Variants in XKR6 observed in about 807,000 individuals in gnomAD.
XKR6 encodes the protein XK related 6.
A neutral mutation model predicts 56.7 loss-of-function variants in XKR6; 22 were observed. The ratio of observed to expected loss-of-function variants is 0.39; its 90% CI spans 0.28 to 0.55. The LOEUF (loss-of-function observed/expected upper bound fraction) is 0.55, where lower values mean the gene tolerates loss of function less well. XKR6 is among the 20% of genes least tolerant of loss of function. The pLI is 0.66. For synonymous variants in XKR6, 524 were observed against 387.8 expected, an observed-to-expected ratio of 1.35 and a Z score of -4.13; for missense variants, 852 against 889.0, an observed-to-expected ratio of 0.96 and a Z score of 0.53.
chr8:11,146,924 A>G (rs1801013652), intron 1 of XKR6, among the ~76,000 whole-genome samples: 1 of 152,098 alleles, frequency 6.6e-6, no homozygotes, highest in South Asian at 2.1e-4. Flanking sequence ...TAAAATAGTC[A>G]GACTCACAGA....
At chr8:11,162,651 T>C (rs1409972511) in intron 1 of XKR6, among the ~76,000 whole-genome samples, 2 of 152,244 alleles carry the variant, frequency 1.3e-5, no homozygotes, top group African/African-American at 4.8e-5. Context: ...TTGTTTTGAT[T>C]ATTTAAAACA....
chr8:11,113,176 C>T (rs1362679702), intron 1 of XKR6, among the ~76,000 whole-genome samples: 1 of 152,116 alleles, frequency 6.6e-6, no homozygotes, highest in Non-Finnish European at 1.5e-5. Context: ...AATGCTGTTA[C>T]ATGTAGTGAA....
At chr8:11,110,813 T>C (rs1427742905) in intron 1 of XKR6, among the ~76,000 whole-genome samples, 3 of 152,072 alleles carry the variant, frequency 2.0e-5, no homozygotes, top group Non-Finnish European at 2.9e-5. Flanking sequence ...AAATAGCATG[T>C]TCAGGTACAT....
At chr8:11,013,520 G>T (rs898805460) in intron 1 of XKR6, among the ~76,000 whole-genome samples, 2 of 152,174 alleles carry the variant, frequency 1.3e-5, no homozygotes, top group African/African-American at 4.8e-5. Flanking sequence ...GATGGCAAAG[G>T]ACTTAACTGT....
intron 1 of XKR6, among the ~76,000 whole-genome samples, chr8:10,932,586 C>G: frequency 8.5e-6 from 1 of 118,314 alleles, no homozygotes; most frequent in Admixed American, 8.8e-5. Context: ...TCCCCCCACC[C>G]CACCACAGTC....
At chr8:11,117,142 T>C (rs546466212) in intron 1 of XKR6, among the ~76,000 whole-genome samples, 4 of 152,388 alleles carry the variant, frequency 2.6e-5, no homozygotes, top group African/African-American at 7.2e-5. Context: ...AAAGATATTT[T>C]CATGAAAAAC....
In XKR6 at chr8:11,201,652, C is replaced by T. The variant is rs1423443703; in HGVS notation, c.-313G>A. On this transcript the variant is annotated 5_prime_UTR_variant, in exon 1 of 3. Coordinates refer to ENST00000416569, the MANE Select transcript of XKR6 (RefSeq NM_173683.4). ...CCGGGGGGTTCTCCCCGCCAGGGCT[C>T]CCCTTCCCCTCTTCCGTTGACCCCG... Among the ~76,000 whole-genome samples, 1 of 152,186 alleles carries T rather than the reference C, an allele frequency of 6.6e-6. No homozygotes were observed. The highest frequency in any genetic ancestry group is 1.5e-5 in the Non-Finnish European group (1 of 68,024).
At chr8:11,012,574 G>C (rs983227639) in intron 1 of XKR6, among the ~76,000 whole-genome samples, 2 of 152,024 alleles carry the variant, frequency 1.3e-5, no homozygotes, top group African/African-American at 4.8e-5. Flanking sequence ...CAGTACCATG[G>C]GGGAGGAAAA....
intron 1 of XKR6, among the ~76,000 whole-genome samples, chr8:11,040,557 C>T (rs113412846): frequency 2.0e-5 from 3 of 152,020 alleles, no homozygotes; most frequent in Non-Finnish European, 2.9e-5. Flanking sequence ...CTACCACAGC[C>T]TGGGAGGCTT....
rs573697778 is a variant in XKR6 at position 11,181,158 on chromosome 8, A to G, written c.764+19418T>C. Among the ~76,000 whole-genome samples the G allele has an allele frequency of 2.0e-5, 3 of 152,296 alleles. No homozygotes were observed. In the East Asian group the frequency reaches 5.8e-4, roughly 29 times the overall value. ...GATGAGAAATGGTTGGTTAATGTCC[A>G]TCTTTGGTGAGGGGATTTTAAAGGG... On this transcript the variant is annotated intron_variant, in intron 1 of 2. Coordinates refer to ENST00000416569, the MANE Select transcript of XKR6 (RefSeq NM_173683.4).
intron 1 of XKR6, among the ~76,000 whole-genome samples, chr8:10,963,120 CA>C (rs1324322949): frequency 6.6e-6 from 1 of 152,242 alleles, no homozygotes; most frequent in Non-Finnish European, 1.5e-5. Context: ...TCGGCGCTTC[CA>C]GGGGCAGCCA....
At position 11,200,293 on chromosome 8, in the gene XKR6, T is replaced by C. The variant is rs1204414322; in HGVS notation, c.764+283A>G. The stretch of plus-strand genomic sequence containing the variant: ...GAAAAGGGACGCTTGGGAACGGAGC[T>C]CTGCAGAGGGGACGGGGAGGGCAGG... On this transcript the variant is annotated intron_variant, in intron 1 of 2. Transcript: ENST00000416569. This position sits in a 1 kb window ranked among gnomAD's most constrained non-coding sequence, Gnocchi z 6.4. Among the ~76,000 whole-genome samples the C allele has an allele frequency of 6.6e-6, 1 of 152,056 alleles. No individual in the cohort carries two copies. The highest frequency in any genetic ancestry group is 1.5e-5 in the Non-Finnish European group (1 of 67,988).
At chr8:11,198,722 G>C (rs1438856916) in intron 1 of XKR6, among the ~76,000 whole-genome samples, 1 of 152,090 alleles carries the variant, frequency 6.6e-6, no homozygotes, top group African/African-American at 2.4e-5. Context: ...GATTCCATTA[G>C]AAACAGTTCT....
intron 1 of XKR6, among the ~76,000 whole-genome samples, chr8:11,133,061 T>A (rs1800193935): frequency 6.6e-6 from 1 of 152,120 alleles, no homozygotes; most frequent in Non-Finnish European, 1.5e-5. Flanking sequence ...GAGGAGACAG[T>A]GAGTTTCAAG....
intron 1 of XKR6, among the ~76,000 whole-genome samples, chr8:11,181,277 CATA>C (rs1241582928): frequency 3.9e-5 from 6 of 152,148 alleles, no homozygotes; most frequent in African/African-American, 1.2e-4. Flanking sequence ...TATGATATTT[CATA>C]ATGAAATTTT....
intron 1 of XKR6, among the ~76,000 whole-genome samples, chr8:11,177,956 A>C (rs1011595105): frequency 6.6e-6 from 1 of 152,204 alleles, no homozygotes; most frequent in African/African-American, 2.4e-5. Flanking sequence ...TGACATGGAA[A>C]GCCTGAAGTC....
chr8:11,166,749 T>C (rs927891129), intron 1 of XKR6, among the ~76,000 whole-genome samples: 1 of 152,016 alleles, frequency 6.6e-6, no homozygotes, highest in African/African-American at 2.4e-5. Flanking sequence ...ATTTTTGTGT[T>C]TTTAGCAGAG....
At chr8:10,998,155 C>T (rs916088254) in intron 1 of XKR6, among the ~76,000 whole-genome samples, 1 of 152,048 alleles carries the variant, frequency 6.6e-6, no homozygotes, top group African/African-American at 2.4e-5. Flanking sequence ...AGAGAGCGTC[C>T]AGCACTCACT....
At chr8:11,012,098 C>T (rs1475093761) in intron 1 of XKR6, among the ~76,000 whole-genome samples, 12 of 152,174 alleles carry the variant, frequency 7.9e-5, no homozygotes, top group Non-Finnish European at 1.5e-4. Flanking sequence ...TCGCAGTCCC[C>T]ATCTAAGCAG....
Sources: gnomAD v4.1 joint callset for allele counts (sites outside exome capture counted in the v4.1 genomes callset) on GRCh38, gnomAD v4.1.1 for gene constraint, Gnocchi (gnomAD v3.1) non-coding constraint, MANE v1.5 for transcripts, NCBI Gene and HGNC (gene_info 2026-07-23, HGNC 2026-07-21) for gene names.